RPS6KC1: variants seen among roughly 807,000 people sequenced by gnomAD.
The protein encoded by RPS6KC1 is inactive ribosomal protein S6 kinase delta-1.
RPS6KC1 carries 54 observed loss-of-function variants against 103.8 expected under a neutral mutation model. The observed-to-expected ratio is 0.52, with a 90% CI of 0.42 to 0.65. The LOEUF is 0.65. Among genes scored for constraint, RPS6KC1 ranks in the 30% least tolerant of loss-of-function variants. The probability of loss-of-function intolerance (pLI) is 0.00; values close to 1 mark genes in which losing one functional copy is unlikely to be tolerated. For missense variants in RPS6KC1, 1,151 were observed against 1,253.8 expected (o/e 0.92, Z 1.24); for synonymous variants, 439 against 438.7 (o/e 1.00, Z -0.01).
At chr1:213,162,246 A>G (rs984231709) in intron 6 of RPS6KC1, among the ~76,000 whole-genome samples, 6 of 152,128 alleles carry the variant, frequency 3.9e-5, no homozygotes, top group Admixed American at 3.3e-4. Context: ...GACTGCAAAT[A>G]ATTATTTGGA....
chr1:213,437,834 T>C, the RPS6KC1 span, among the ~76,000 whole-genome samples: 2 of 152,018 alleles, frequency 1.3e-5, no homozygotes, highest in Admixed American at 6.5e-5. Context: ...CTTTACAATC[T>C]CCTAATATGT....
the RPS6KC1 span, among the ~76,000 whole-genome samples, chr1:213,716,178 G>A: frequency 5.9e-5 from 9 of 152,244 alleles, no homozygotes; most frequent in East Asian, 9.7e-4. Flanking sequence ...TTTCTCAAAT[G>A]TGGATGCTCT....
chr1:213,125,569 T>C (rs2084887820), intron 5 of RPS6KC1, among the ~76,000 whole-genome samples: 1 of 151,916 alleles, frequency 6.6e-6, no homozygotes, highest in African/African-American at 2.4e-5. Context: ...GTAGATGTCT[T>C]TTTATTTCTC....
chr1:213,188,894 A>G (rs2092643301), intron 8 of RPS6KC1, among the ~76,000 whole-genome samples: 1 of 151,598 alleles, frequency 6.6e-6, no homozygotes, highest in Non-Finnish European at 1.5e-5. Context: ...TTGGGAAGTT[A>G]TAGGAACTAT....
chr1:213,735,718 GAC>G, the RPS6KC1 span, among the ~76,000 whole-genome samples: 1 of 152,186 alleles, frequency 6.6e-6, no homozygotes, highest in Non-Finnish European at 1.5e-5. Context: ...AAGAAAAAGA[GAC>G]AAAGAGGAAG....
At chr1:213,602,136 T>TCTCTCTC in the RPS6KC1 span, among the ~76,000 whole-genome samples, 7 of 73,458 alleles carry the variant, frequency 9.5e-5, no homozygotes, top group Non-Finnish European at 1.3e-4. Flanking sequence ...CTTTCTTTCT[T>TCTCTCTC]TCTTTCTTTC....
At chr1:213,569,728 T>C in the RPS6KC1 span, among the ~76,000 whole-genome samples, 1 of 152,146 alleles carries the variant, frequency 6.6e-6, no homozygotes, top group Non-Finnish European at 1.5e-5. Context: ...AATAGATCAT[T>C]TGTGGTCAGG....
the RPS6KC1 span, among the ~76,000 whole-genome samples, chr1:213,495,564 G>A: frequency 6.6e-6 from 1 of 152,102 alleles, no homozygotes; most frequent in Non-Finnish European, 1.5e-5. Flanking sequence ...CAGGTGATCT[G>A]CCTGCCTTGG....
the RPS6KC1 span, among the ~76,000 whole-genome samples, chr1:213,804,226 G>A: frequency 2.0e-5 from 3 of 149,014 alleles, no homozygotes; most frequent in East Asian, 5.9e-4. Context: ...ATATTTTCAG[G>A]GACCAATGCT....
chr1:213,218,720 A>G (rs2093738717), intron 8 of RPS6KC1, among the ~76,000 whole-genome samples: 1 of 152,210 alleles, frequency 6.6e-6, no homozygotes, highest in Non-Finnish European at 1.5e-5. Flanking sequence ...AACGCCGCAT[A>G]TCTACAACTA....
At chr1:213,845,741 C>G in the RPS6KC1 span, among the ~76,000 whole-genome samples, 1 of 152,168 alleles carries the variant, frequency 6.6e-6, no homozygotes, top group Non-Finnish European at 1.5e-5. Context: ...CCTCCACTTT[C>G]TAGCTCTGTG....
chr1:213,681,853 A>C, the RPS6KC1 span, among the ~76,000 whole-genome samples: 2 of 152,174 alleles, frequency 1.3e-5, no homozygotes, highest in Non-Finnish European at 2.9e-5. Flanking sequence ...TTGAGCATTA[A>C]GATTTAGAGT....
chr1:213,459,323 G>C, the RPS6KC1 span, among the ~76,000 whole-genome samples: 1 of 152,072 alleles, frequency 6.6e-6, no homozygotes, highest in African/African-American at 2.4e-5. Flanking sequence ...CTTCTTCCTG[G>C]TTTAGTCTTG....
chr1:213,813,244 C>G, the RPS6KC1 span, among the ~76,000 whole-genome samples: 1 of 151,932 alleles, frequency 6.6e-6, no homozygotes, highest in Non-Finnish European at 1.5e-5. Flanking sequence ...GAGCGAGGCT[C>G]TGTCTCCCGC....
chr1:213,790,608 AAG>A, the RPS6KC1 span, among the ~76,000 whole-genome samples: 1 of 152,162 alleles, frequency 6.6e-6, no homozygotes, highest in Non-Finnish European at 1.5e-5. Flanking sequence ...GGGGAAGAGA[AAG>A]AGAGAGAAAA....
intron 1 of RPS6KC1, among the ~76,000 whole-genome samples, chr1:213,065,202 C>T (rs941523598): frequency 9.2e-5 from 14 of 151,642 alleles, no homozygotes. Context: ...GTCTCGAACT[C>T]CTGACCTCGT....
chr1:213,307,341 G>T, the RPS6KC1 span, among the ~76,000 whole-genome samples: 8 of 151,864 alleles, frequency 5.3e-5, no homozygotes, highest in African/African-American at 1.7e-4. Context: ...GTGAGTCGCC[G>T]CGCCTGGCCA....
the RPS6KC1 span, among the ~76,000 whole-genome samples, chr1:213,808,660 C>T: frequency 1.3e-5 from 2 of 152,222 alleles, no homozygotes; most frequent in Non-Finnish European, 2.9e-5. Flanking sequence ...GGGAGTGACC[C>T]GATTTTCCAG....
At chr1:213,261,675 C>T (rs779942949) in intron 13 of RPS6KC1, 35 bp downstream of exon 13, 2 of 1,525,368 alleles carry the variant, frequency 1.3e-6, no homozygotes, top group Non-Finnish European at 1.8e-6. Flanking sequence ...TAAATTTACT[C>T]AGATGCTACC....
Sources: allele counts gnomAD v4.1 joint callset (sites outside exome capture counted in the v4.1 genomes callset), GRCh38; gene constraint gnomAD v4.1.1; transcripts MANE v1.5; gene names NCBI Gene and HGNC (gene_info 2026-07-23, HGNC 2026-07-21).